The following PNO1 variants were observed in gnomAD, a reference collection of about 807,000 sequenced individuals.
PNO1 encodes RNA-binding protein PNO1.
A neutral mutation model predicts 28.4 loss-of-function variants in PNO1; 16 were observed. The observed-to-expected ratio is 0.56, with a 90% confidence interval of 0.38 to 0.85. PNO1 has a LOEUF of 0.85. Ranked by LOEUF, PNO1 falls within the 40% of genes least tolerant of loss-of-function variation. The pLI is 0.00. For missense variants in PNO1, 304 were observed against 312.2 expected (o/e 0.97, Z 0.20); for synonymous variants, 115 against 110.8 (o/e 1.04, Z -0.24).
intron 5 of PNO1, among the ~76,000 whole-genome samples, chr2:68,169,142 G>A (rs1193093088): frequency 1.3e-5 from 2 of 151,880 alleles, no homozygotes; most frequent in African/African-American, 4.8e-5. Flanking sequence ...TGTTAGGCAG[G>A]ATGGTCTCAA....
intron 2 of PNO1, among the ~76,000 whole-genome samples, chr2:68,159,258 G>A (rs1252593404): frequency 1.3e-4 from 3 of 22,374 alleles, no homozygotes; most frequent in African/African-American, 4.0e-4. Flanking sequence ...ATATATATGT[G>A]TGTGTGTGTG....
At position 68,174,757 on chromosome 2, in the gene PNO1, T is replaced by C; in HGVS notation, c.714T>C (p.Tyr238=). The C allele has an allele frequency of 1.9e-6, 3 of 1,610,206 alleles. No individual in the cohort carries two copies. The highest frequency in any genetic ancestry group is 2.5e-6 in the Non-Finnish European group (3 of 1,176,792). The change falls in exon 7 of 7, where the codon TAT becomes TAC. Residue 238 remains tyrosine, a synonymous_variant. Coordinates refer to ENST00000263657, the MANE Select transcript of PNO1 (RefSeq NM_020143.4). ...CAGGAAATCCTCCTTCCAAGGTTTA[T>C]GGCAATATTCGAGCTGTGGCTAGCA... ...LILGNPPSKV[Y]GNIRAVASRS... is the part of the protein sequence containing the mutation.
intron 5 of PNO1, among the ~76,000 whole-genome samples, chr2:68,163,839 C>T (rs966061747): frequency 3.3e-5 from 5 of 152,136 alleles, no homozygotes; most frequent in Admixed American, 3.3e-4. Context: ...GAGGTTGAAG[C>T]TGCCCAGGCT....
At chr2:68,165,243 A>G (rs1228826321) in intron 5 of PNO1, among the ~76,000 whole-genome samples, 1 of 150,686 alleles carries the variant, frequency 6.6e-6, no homozygotes, top group East Asian at 1.9e-4. Flanking sequence ...GGGCGCCTGT[A>G]GTCCCAGCTA....
rs570334254 is a variant in PNO1, at chr2:68,175,645, G to C, written c.*843G>C. 176 of 80,932 alleles carry C rather than the reference G, an allele frequency of 2.2e-3. No homozygotes were observed. The highest frequency in any genetic ancestry group is 0.015 in the African/African-American group (171 of 11,346). 5.0% of individuals were successfully genotyped at this position (80,932 alleles called of 1,614,324 possible). A position where few individuals can be genotyped will look rare whatever the true frequency, so the allele number is the denominator to read the frequency against. On this transcript the variant is annotated 3_prime_UTR_variant, in exon 7 of 7. Coordinates refer to ENST00000263657, the MANE Select transcript of PNO1 (RefSeq NM_020143.4). The stretch of plus-strand genomic sequence containing the variant: ...ATATACATCAGTAAGAGCTCATCTT[G>C]GAACCTGTTTTGCAGTTTCTTGCAG...
intron 5 of PNO1, among the ~76,000 whole-genome samples, chr2:68,163,549 A>ATACG (rs70949676): frequency 0.21 from 30,907 of 148,158 alleles, 3,424 homozygotes; most frequent in Non-Finnish European, 0.25. Context: ...AAATACATAC[A>ATACG]TACATACATA....
At chr2:68,171,982 G>C (rs1217089301) in intron 5 of PNO1, among the ~76,000 whole-genome samples, 4 of 152,090 alleles carry the variant, frequency 2.6e-5, no homozygotes, top group Non-Finnish European at 5.9e-5. Context: ...CGAAATTATG[G>C]GGGGGTTGCA....
At position 68,157,900 on chromosome 2, in the gene PNO1, G is replaced by A. The variant is rs1170361949; in HGVS notation, c.-35G>A. 2 of 1,588,190 alleles carry A rather than the reference G, an allele frequency of 1.3e-6. No homozygotes were observed. Among genetic ancestry groups the A allele is most frequent in the East Asian group, 4.5e-5 (2 of 44,762 alleles). On this transcript the variant is annotated 5_prime_UTR_variant, in exon 1 of 7. In the 5' UTR this introduces an upstream ATG that the reference lacks. Coordinates refer to ENST00000263657, the MANE Select transcript of PNO1 (RefSeq NM_020143.4). ...GCTTCTGCGTGGTGCAGCTGCGCAC[G>A]TGTTTCAGCCGGCAGCGCTTTAAGA...
rs571191728 is a variant in PNO1 at position 68,174,232 on chromosome 2, G to A, written c.692-503G>A. On this transcript the variant is annotated intron_variant, in intron 6 of 6. Transcript: ENST00000263657. ...ATATTTTAACAACTCAGTGCCTTTC[G>A]CTCTTAGAAGTTTAAAATATTTTTT... Among the ~76,000 whole-genome samples, 36 of 147,288 alleles carry A rather than the reference G, an allele frequency of 2.4e-4. No homozygotes were observed. In the South Asian group the frequency reaches 2.8e-3, roughly 11 times the overall value.
chr2:68,174,366 G>A (rs954113587), intron 6 of PNO1, among the ~76,000 whole-genome samples: 10 of 134,566 alleles, frequency 7.4e-5, no homozygotes, highest in Non-Finnish European at 1.2e-4. Flanking sequence ...CCTTTTTCAC[G>A]TACAGTCTGC....
Position 68,163,627 on chromosome 2 carries a change from A to G in PNO1, c.620+964A>G, listed in dbSNP as rs115983674. Among the ~76,000 whole-genome samples, 206 of 152,086 alleles carry G rather than the reference A, an allele frequency of 1.4e-3. 1 individual carries two copies. The highest frequency in any genetic ancestry group is 4.7e-3 in the African/African-American group (196 of 41,352). On this transcript the variant is annotated intron_variant, in intron 5 of 6. Transcript: ENST00000263657. The stretch of plus-strand genomic sequence containing the variant: ...TTAAATCACTAGGGGAGAACAAGCA[A>G]TCACTATTTCAGATGCCCTTGTGAG...
chr2:68,158,518 G>A lies in PNO1; in HGVS notation c.346G>A (p.Val116Ile), dbSNP rs570724392. The change falls in exon 2 of 7, where the codon GTA becomes ATA. Residue 116 changes from valine to isoleucine, a missense_variant. Transcript: ENST00000263657. ...QIRFNLKSRNVEIRTCKETKD... is the reference protein window; with the variant it reads ...QIRFNLKSRNIEIRTCKETKD... ...ACGCTTTAACTTGAAATCAAGGAAT[G>A]TAGAAATCAGGGTAAGGAAAATCTC... 6 of 1,612,678 alleles carry A rather than the reference G, an allele frequency of 3.7e-6. No homozygotes were observed. Among genetic ancestry groups the A allele is most frequent in the African/African-American group, 1.3e-5 (1 of 74,944 alleles).
In PNO1 at chr2:68,162,656, G is replaced by T; in HGVS notation, c.613G>T (p.Ala205Ser). ...TGTGACACGGACAAGGATAGTTTTG[G>T]CTGATGTGTAAGTATCTGATCTTGA... is the stretch of plus-strand genomic sequence containing the variant. ...ENVTRTRIVL[A>S]DVKVHILGSF... Residue 205 changes from alanine (A) to serine (S), a missense_variant, in exon 5 of 7, where the codon GCT (alanine) becomes TCT (serine). Ala to Ser is a moderately conservative substitution (Grantham distance 99). Coordinates refer to ENST00000263657, the MANE Select transcript of PNO1 (RefSeq NM_020143.4). The T allele has an allele frequency of 1.9e-6, 3 of 1,591,618 alleles. No homozygotes were observed. The highest frequency in any genetic ancestry group is 2.6e-6 in the Non-Finnish European group (3 of 1,159,650).
intron 2 of PNO1, chr2:68,161,353 T>C: frequency 2.1e-6 from 1 of 476,234 alleles, no homozygotes; most frequent in South Asian, 1.6e-5. Flanking sequence ...ATTGAAGGGA[T>C]GGACAGAAGG....
In PNO1 at chr2:68,162,132, CTG is replaced by C. The variant is rs1188935506; in HGVS notation, c.442-131_442-130del. ...CCAGCCTGGGCGACAGCGTAAGACT[CTG>C]TCTCCAAGGGAAAAAAAAAAGCTTT... On this transcript the variant is annotated intron_variant, in intron 3 of 6. Transcript: ENST00000263657. 11 of 627,674 alleles carry C rather than the reference CTG, an allele frequency of 1.8e-5. No homozygotes were observed. The African/African-American group carries it at 2.3e-4, about 13-fold the overall frequency. The allele number at this position is 627,674 out of a possible 1,614,324, so 38.9% of individuals were successfully genotyped here. A position where few individuals can be genotyped will look rare whatever the true frequency, so the allele number is the denominator to read the frequency against.
chr2:68,167,832 C>T (rs1674031511), intron 5 of PNO1, among the ~76,000 whole-genome samples: 1 of 152,180 alleles, frequency 6.6e-6, no homozygotes, highest in African/African-American at 2.4e-5. Context: ...GCGTTAAGTT[C>T]TCCAGCTTTA....
intron 5 of PNO1, among the ~76,000 whole-genome samples, chr2:68,165,999 CA>C (rs1202238326): frequency 2.0e-5 from 3 of 152,212 alleles, no homozygotes; most frequent in Non-Finnish European, 4.4e-5. Context: ...TTTTCTGGGA[CA>C]ACCATTGCTC....
intron 3 of PNO1, 133 bp from the exon 4 acceptor site, chr2:68,162,132 C>CT (rs1673846859): frequency 4.8e-6 from 3 of 627,784 alleles, no homozygotes; most frequent in Non-Finnish European, 8.0e-6. Context: ...GCGTAAGACT[C>CT]TGTCTCCAAG....
chr2:68,173,208 C>T (rs915187541), intron 5 of PNO1, 139 bp from the exon 6 acceptor site: 42 of 554,708 alleles, frequency 7.6e-5, no homozygotes, highest in East Asian at 2.2e-4. Flanking sequence ...GTAGAGATGG[C>T]GTCTCATTAT....
Sources: gnomAD v4.1 joint callset for allele counts (sites outside exome capture counted in the v4.1 genomes callset) on GRCh38, gnomAD v4.1.1 for gene constraint, MANE v1.5 for transcripts, NCBI Gene and HGNC (gene_info 2026-07-23, HGNC 2026-07-21) for gene names.